Variants in DCBLD1 observed in about 807,000 individuals in gnomAD.
DCBLD1 encodes discoidin, CUB and LCCL domain-containing protein 1.
Under a neutral mutation model 71.5 loss-of-function variants are expected in DCBLD1, and 57 were observed. That is an observed-to-expected ratio of 0.80 (90% CI 0.64 to 0.99). DCBLD1 has a LOEUF of 0.99. Among genes scored for constraint, DCBLD1 ranks in the 50% least tolerant of loss-of-function variants. The pLI, the probability that DCBLD1 is intolerant of heterozygous loss-of-function variation, is 0.00. For synonymous variants in DCBLD1, 380 were observed against 363.8 expected (o/e 1.04, Z -0.51); for missense variants, 891 against 923.5 (o/e 0.96, Z 0.46).
At chr6:117,487,640 G>C (rs772791384) in intron 1 of DCBLD1, among the ~76,000 whole-genome samples, 2 of 151,984 alleles carry the variant, frequency 1.3e-5, no homozygotes, top group Non-Finnish European at 2.9e-5. Context: ...AAAAAGAAAA[G>C]AAATTAAAAC....
chr6:117,511,406 G>A (rs1360130970), intron 2 of DCBLD1, among the ~76,000 whole-genome samples: 1 of 152,176 alleles, frequency 6.6e-6, no homozygotes, highest in African/African-American at 2.4e-5. Context: ...AATTGGTTGT[G>A]TTCTGCATAA....
intron 2 of DCBLD1, among the ~76,000 whole-genome samples, chr6:117,506,088 A>G (rs1026438750): frequency 2.0e-5 from 3 of 152,192 alleles, no homozygotes; most frequent in Non-Finnish European, 4.4e-5. Context: ...ATTCATTATT[A>G]TAGAAATAAA....
At chr6:117,521,384 A>AT in intron 3 of DCBLD1, 141 bp from the exon 4 acceptor site, 1 of 671,560 alleles carries the variant, frequency 1.5e-6, no homozygotes, top group Non-Finnish European at 2.4e-6. Context: ...CTCAGTGTTT[A>AT]TTTTTAAAAG....
At chr6:117,565,874 T>C (rs540047409) in intron 14 of DCBLD1, among the ~76,000 whole-genome samples, 8 of 152,186 alleles carry the variant, frequency 5.3e-5, no homozygotes, top group Non-Finnish European at 1.2e-4. Flanking sequence ...AAATGGCTAG[T>C]TCAGTCACTT....
intron 4 of DCBLD1, among the ~76,000 whole-genome samples, chr6:117,522,004 A>AT (rs1014356446): frequency 6.6e-5 from 10 of 151,910 alleles, no homozygotes; most frequent in Non-Finnish European, 1.0e-4. Context: ...TCTAGACTGT[A>AT]TTTTTTTTCC....
intron 2 of DCBLD1, among the ~76,000 whole-genome samples, chr6:117,508,427 G>T (rs1261044399): frequency 6.6e-6 from 1 of 152,012 alleles, no homozygotes; most frequent in East Asian, 1.9e-4. Flanking sequence ...TGCTGATTCA[G>T]GCATTGTGTC....
chr6:117,548,035 C>A lies in DCBLD1; in HGVS notation c.1744C>A (p.Gln582Lys). The A allele has an allele frequency of 1.9e-6, 3 of 1,549,570 alleles. No individual in the cohort carries two copies. Among genetic ancestry groups the A allele is most frequent in the South Asian group, 1.2e-5 (1 of 83,994 alleles). The change falls in exon 15 of 15, where the codon CAG becomes AAG. Residue 582 changes from glutamine (Q) to lysine (K), a missense_variant. Coordinates refer to ENST00000338728, the MANE Select transcript of DCBLD1 (RefSeq NM_001366458.2). ...TGCCGGCGGCCACTATGACTGCCCGCAGCGGGCCGGCCGCCACGAGTACGC... is the reference window on the plus strand; with the variant it reads ...TGCCGGCGGCCACTATGACTGCCCGAAGCGGGCCGGCCGCCACGAGTACGC... ...TDAGGHYDCP[Q>K]RAGRHEYALP... is the part of the protein sequence containing the mutation.
intron 2 of DCBLD1, among the ~76,000 whole-genome samples, chr6:117,516,777 C>G (rs1462030319): frequency 2.0e-5 from 3 of 152,170 alleles, no homozygotes; most frequent in Non-Finnish European, 2.9e-5. Context: ...TGGTGGCAGA[C>G]AGGAGAAAAG....
chr6:117,517,936 C>G (rs764837634), intron 2 of DCBLD1, among the ~76,000 whole-genome samples: 1 of 152,206 alleles, frequency 6.6e-6, no homozygotes, highest in Non-Finnish European at 1.5e-5. Flanking sequence ...GAGACATTTT[C>G]CACATTGTCT....
At chr6:117,522,642 A>G (rs558021940) in intron 4 of DCBLD1, among the ~76,000 whole-genome samples, 2 of 152,212 alleles carry the variant, frequency 1.3e-5, no homozygotes, top group South Asian at 2.1e-4. Flanking sequence ...GTGTCTTTCT[A>G]TATTGTCCAA....
chr6:117,558,172 G>A (rs546418343), intron 14 of DCBLD1, among the ~76,000 whole-genome samples: 3 of 152,200 alleles, frequency 2.0e-5, no homozygotes, highest in Non-Finnish European at 4.4e-5. Context: ...AAGAGGTTTC[G>A]CTGAACATTC....
intron 1 of DCBLD1, among the ~76,000 whole-genome samples, chr6:117,496,425 A>C (rs1482271123): frequency 6.6e-6 from 1 of 152,224 alleles, no homozygotes. Context: ...GCACAATTGA[A>C]GAAGAGCAAA....
intron 2 of DCBLD1, among the ~76,000 whole-genome samples, chr6:117,515,020 G>GGTTT (rs1402023741): frequency 1.5e-5 from 2 of 136,990 alleles, no homozygotes; most frequent in African/African-American, 2.7e-5. Context: ...CAGTTTGTGG[G>GGTTT]TTTTTTTTTT....
intron 1 of DCBLD1, among the ~76,000 whole-genome samples, chr6:117,484,579 G>A (rs1030487421): frequency 6.6e-6 from 1 of 152,114 alleles, no homozygotes. Context: ...GAACTCCTGA[G>A]CTCAAGTGAT....
chr6:117,533,872 G>T (rs1778801982), intron 6 of DCBLD1, among the ~76,000 whole-genome samples: 1 of 152,160 alleles, frequency 6.6e-6, no homozygotes, highest in Non-Finnish European at 1.5e-5. Context: ...GCCTCTCACT[G>T]GCAATTCTGA....
intron 1 of DCBLD1, among the ~76,000 whole-genome samples, chr6:117,498,361 A>G (rs1777536032): frequency 6.8e-6 from 1 of 147,376 alleles, no homozygotes; most frequent in South Asian, 2.1e-4. Flanking sequence ...AAGAGGAGGA[A>G]ATGATACTTA....
At chr6:117,485,263 AT>A (rs2114345715) in intron 1 of DCBLD1, among the ~76,000 whole-genome samples, 1 of 152,326 alleles carries the variant, frequency 6.6e-6, no homozygotes, top group East Asian at 1.9e-4. Flanking sequence ...AGATTTGCAA[AT>A]GGTTATTAGC....
In DCBLD1 at chr6:117,487,799, A is replaced by AT. The variant is rs199913052; in HGVS notation, c.112+4919dup. Reference sequence around the variant, plus strand: ...GGGAAAAATACAGCCAGAATTTCAGATTTTTTTTTTTTTCATTAGACTGAG... The same window carrying AT: ...GGGAAAAATACAGCCAGAATTTCAGATTTTTTTTTTTTTTCATTAGACTGAG... On this transcript the variant is annotated intron_variant, in intron 1 of 14. Coordinates refer to ENST00000338728, the MANE Select transcript of DCBLD1 (RefSeq NM_001366458.2). Among the ~76,000 whole-genome samples the AT allele has an allele frequency of 8.1e-3, 1,191 of 147,070 alleles. 8 individuals are homozygous for AT. Among genetic ancestry groups the AT allele is most frequent in the South Asian group, 0.016 (74 of 4,630 alleles).
intron 1 of DCBLD1, among the ~76,000 whole-genome samples, chr6:117,498,285 A>C (rs1269207764): frequency 2.0e-5 from 3 of 152,214 alleles, no homozygotes; most frequent in African/African-American, 7.2e-5. Context: ...AGACACCAGG[A>C]TTTAGGCCCA....
Sources: allele counts gnomAD v4.1 joint callset (sites outside exome capture counted in the v4.1 genomes callset), GRCh38; gene constraint gnomAD v4.1.1; transcripts MANE v1.5; gene names NCBI Gene and HGNC (gene_info 2026-07-23, HGNC 2026-07-21).